Variants in FBN3 observed in about 807,000 individuals in gnomAD.
The protein encoded by FBN3 is fibrillin 3.
FBN3 carries 234 observed loss-of-function variants against 330.1 expected under a neutral mutation model. The ratio of observed to expected loss-of-function variants is 0.71; its 90% CI spans 0.64 to 0.79. The LOEUF (loss-of-function observed/expected upper bound fraction) is 0.79. Ranked by LOEUF, FBN3 falls within the 30% of genes least tolerant of loss-of-function variation. The probability of loss-of-function intolerance (pLI) is 0.00; values close to 1 mark genes in which losing one functional copy is unlikely to be tolerated. For missense variants in FBN3, 3,606 were observed against 3,886.9 expected (o/e 0.93, Z 1.92); for synonymous variants, 1,458 against 1,517.3 (o/e 0.96, Z 0.91).
At chr19:8,143,359 C>T (rs1416515445) in intron 6 of FBN3, among the ~76,000 whole-genome samples, 6 of 152,126 alleles carry the variant, frequency 3.9e-5, no homozygotes, top group Admixed American at 1.3e-4. Flanking sequence ...TGCCAGGGTG[C>T]GCCACTACCT....
chr19:8,130,567 GGAAAGAAAGAAAGAATGAAAGAAA>G lies in FBN3; in HGVS notation c.2044+644_2044+667del, dbSNP rs1161559862. Reference sequence around the variant, plus strand: ...GAAAGAAAGAGAGAGAGAGAGAGAAGGAAAGAAAGAAAGAATGAAAGAAAGAAAGAAAGAAAGAAAGAAAGAAAG... The same window carrying G: ...GAAAGAAAGAGAGAGAGAGAGAGAAGGAAAGAAAGAAAGAAAGAAAGAAAG... On this transcript the variant is annotated intron_variant, in intron 16 of 63. Transcript: ENST00000600128. Among the ~76,000 whole-genome samples the G allele has an allele frequency of 3.2e-4, 15 of 47,104 alleles. 5 individuals are homozygous for G. The highest frequency in any genetic ancestry group is 1.2e-3 in the African/African-American group (11 of 9,016). 30.9% of individuals were successfully genotyped at this position (47,104 alleles called of 152,430 possible).
At chr19:8,091,717 C>A (rs1889989994) in intron 47 of FBN3, 127 bp from the exon 48 acceptor site, 1 of 1,019,590 alleles carries the variant, frequency 9.8e-7, no homozygotes, top group Admixed American at 2.5e-5. Context: ...GGGCTGGGGT[C>A]CTGAGAGCTC....
Position 8,121,835 on chromosome 19 carries a change from T to C in FBN3, c.3083-449A>G, listed in dbSNP as rs1036930477. The stretch of plus-strand genomic sequence containing the variant: ...TGCAATCTCGGCTCACTGCAACTTC[T>C]GCCTCCCAGGATCAAGCGATTCTCC... On this transcript the variant is annotated intron_variant, in intron 24 of 63. Transcript: ENST00000600128. The surrounding 1 kb of genome is among the most constrained non-coding windows in gnomAD (Gnocchi z 4.5). Among the ~76,000 whole-genome samples the C allele has an allele frequency of 1.8e-4, 27 of 152,118 alleles. No individual in the cohort carries two copies. The highest frequency in any genetic ancestry group is 6.5e-4 in the African/African-American group (27 of 41,422).
rs756065111 is a variant in FBN3 at position 8,073,076 on chromosome 19, G to A, written c.7924C>T (p.Arg2642Trp). Residue 2642 changes from arginine to tryptophan, a missense_variant, in exon 62 of 64, where the codon CGG (arginine) becomes TGG (tryptophan). Physicochemically the swap from Arg to Trp is moderately radical, Grantham distance 101. Coordinates refer to ENST00000600128, the MANE Select transcript of FBN3 (RefSeq NM_032447.5). ...CCAGCCTCTCACCCTTGCCCAGCCC[G>A]GAAGTAGCCTTGAGGACAGCCGCAC... ...FLCGCPQGYFRAGQGHCVSGL... is the reference protein window; with the variant it reads ...FLCGCPQGYFWAGQGHCVSGL... The A allele has an allele frequency of 4.1e-5, 66 of 1,608,814 alleles. No homozygotes were observed. The highest frequency in any genetic ancestry group is 1.6e-4 in the African/African-American group (12 of 74,640).
intron 63 of FBN3, among the ~76,000 whole-genome samples, chr19:8,070,209 C>A (rs1393714722): frequency 6.6e-6 from 1 of 152,160 alleles, no homozygotes; most frequent in Non-Finnish European, 1.5e-5. Flanking sequence ...CACATTTTAT[C>A]TAATATAGAA....
rs1238453536 is a variant in FBN3 at position 8,072,092 on chromosome 19, A to T, written c.8044T>A (p.Ser2682Thr). The stretch of plus-strand genomic sequence containing the variant: ...CTGCGTCGTGGCCGGTCCCGAGGGG[A>T]GAGGCCATTGATCTTGCATTCGTAG... ...ACYECKINGL[S>T]PRDRPRRSAH... Residue 2682 changes from serine to threonine, a missense_variant, in exon 63 of 64, where the codon TCC (serine) becomes ACC (threonine). Coordinates refer to ENST00000600128, the MANE Select transcript of FBN3 (RefSeq NM_032447.5). 6.2e-7 allele frequency: 1 copy of T among 1,612,360 alleles called. No individual in the cohort carries two copies. The highest frequency in any genetic ancestry group is 1.3e-5 in the African/African-American group (1 of 74,834).
In FBN3 at chr19:8,121,311, C is replaced by T. The variant is rs2082843485; in HGVS notation, c.3158G>A (p.Cys1053Tyr). The T allele has an allele frequency of 1.2e-6, 2 of 1,613,298 alleles. No individual in the cohort carries two copies. Among genetic ancestry groups the T allele is most frequent in the Middle Eastern group, 1.6e-4 (1 of 6,074 alleles). The change falls in exon 25 of 64, where the codon TGC becomes TAC. Residue 1053 changes from cysteine to tyrosine, a missense_variant. Cys to Tyr is a radical substitution (Grantham distance 194). Transcript: ENST00000600128. This position sits in a 1 kb window ranked among gnomAD's most constrained non-coding sequence, Gnocchi z 4.5. ...TCVNTPGSFE[C>Y]ECFPGYESGF... is the part of the protein sequence containing the mutation. ...ACTCTCGTAGCCGGGAAAACACTCG[C>T]ACTCAAAGCTGCCCGGCGTGTTGAC...
At position 8,146,130 on chromosome 19, in the gene FBN3, G is replaced by C; in HGVS notation, c.346C>G (p.Arg116Gly). The change falls in exon 4 of 64, where the codon CGA becomes GGA. Residue 116 changes from arginine (R) to glycine (G), a missense_variant. Physicochemically the swap from Arg to Gly is moderately radical, Grantham distance 125 (BLOSUM62 -2). Coordinates refer to ENST00000600128, the MANE Select transcript of FBN3 (RefSeq NM_032447.5). The stretch of plus-strand genomic sequence containing the variant: ...CAAGAGGCCGCTTCCCGCTCACCTC[G>C]GCTCACCCCGCAGCTGGGAGCCAGC... Reference protein sequence around the residue: ...GTLAPSCGVSRGSGCSVSCMN... With the variant: ...GTLAPSCGVSGGSGCSVSCMN... The C allele has an allele frequency of 6.3e-6, 10 of 1,590,014 alleles. No individual in the cohort carries two copies. The highest frequency in any genetic ancestry group is 8.6e-6 in the Non-Finnish European group (10 of 1,169,566).
At chr19:8,099,465 A>C (rs2082281604) in intron 41 of FBN3, among the ~76,000 whole-genome samples, 1 of 151,330 alleles carries the variant, frequency 6.6e-6, no homozygotes, top group African/African-American at 2.4e-5. Flanking sequence ...TATTTTTAGT[A>C]GAGACGGGGT....
chr19:8,074,152 G>A (rs1247730177), intron 61 of FBN3, among the ~76,000 whole-genome samples: 2 of 152,142 alleles, frequency 1.3e-5, no homozygotes, highest in Non-Finnish European at 2.9e-5. Context: ...CCTAGTGAAA[G>A]GCAGGTCCTT....
chr19:8,088,761 G>A (rs946868161), intron 51 of FBN3, among the ~76,000 whole-genome samples: 2 of 152,230 alleles, frequency 1.3e-5, no homozygotes, highest in Admixed American at 6.5e-5. Context: ...ATGAATAAAT[G>A]AGTGATTGAA....
intron 51 of FBN3, 50 bp downstream of exon 51, chr19:8,089,495 C>T (rs201275089): frequency 5.0e-6 from 8 of 1,609,922 alleles, no homozygotes; most frequent in Non-Finnish European, 6.8e-6. Flanking sequence ...CTGCTCCTTC[C>T]TGTCCTGGGA....
chr19:8,080,164 G>C (rs749088867), intron 59 of FBN3, among the ~76,000 whole-genome samples: 3 of 152,250 alleles, frequency 2.0e-5, no homozygotes, highest in Non-Finnish European at 4.4e-5. Flanking sequence ...GCAGGGGGCC[G>C]GGCTTGGCTG....
At chr19:8,107,963 C>T (rs544983325) in intron 37 of FBN3, among the ~76,000 whole-genome samples, 3 of 152,142 alleles carry the variant, frequency 2.0e-5, no homozygotes, top group East Asian at 3.9e-4. Flanking sequence ...AATAAACCAA[C>T]AAGTGGAAGA....
intron 63 of FBN3, among the ~76,000 whole-genome samples, chr19:8,066,974 A>G (rs1304141512): frequency 6.6e-6 from 1 of 152,100 alleles, no homozygotes; most frequent in East Asian, 1.9e-4. Flanking sequence ...CTGCCTCATC[A>G]TGCAATATAT....
chr19:8,096,083 G>T lies in FBN3; in HGVS notation c.5540-3C>A, dbSNP rs762959225. 9 of 1,610,996 alleles carry T rather than the reference G, an allele frequency of 5.6e-6. No individual in the cohort carries two copies. Among genetic ancestry groups the T allele is most frequent in the Non-Finnish European group, 5.9e-6 (7 of 1,177,334 alleles). ...CTGCCGGTCACACTCGTCAATGTCT[G>T]CAGAAGCAAAGCCGAGAGCCCAACC... On this transcript the variant is annotated splice_polypyrimidine_tract_variant and splice_region_variant and intron_variant, in intron 44 of 63. Coordinates refer to ENST00000600128, the MANE Select transcript of FBN3 (RefSeq NM_032447.5). The surrounding 1 kb of genome is among the most constrained non-coding windows in gnomAD (Gnocchi z 4.6).
intron 59 of FBN3, among the ~76,000 whole-genome samples, chr19:8,077,996 G>C (rs925042522): frequency 1.3e-5 from 2 of 151,768 alleles, no homozygotes; most frequent in Non-Finnish European, 2.9e-5. Context: ...AGGATCGCTT[G>C]AACCTGGGAG....
chr19:8,077,938 G>A (rs1035877594), intron 59 of FBN3, among the ~76,000 whole-genome samples: 73 of 150,430 alleles, frequency 4.9e-4, no homozygotes, highest in Non-Finnish European at 7.4e-5. Flanking sequence ...TTAGCCGGGC[G>A]TGGTGGCACA....
intron 1 of FBN3, among the ~76,000 whole-genome samples, chr19:8,147,939 A>G (rs901486685): frequency 1.3e-5 from 2 of 151,496 alleles, no homozygotes; most frequent in African/African-American, 4.9e-5. Flanking sequence ...CCCGGGGGGG[A>G]AACAGGGTGT....
Sources: gnomAD v4.1 joint callset for allele counts (sites outside exome capture counted in the v4.1 genomes callset) on GRCh38, gnomAD v4.1.1 for gene constraint, Gnocchi (gnomAD v3.1) non-coding constraint, MANE v1.5 for transcripts, NCBI Gene and HGNC (gene_info 2026-07-23, HGNC 2026-07-21) for gene names.